The following RBKS variants were observed in gnomAD, a reference collection of about 807,000 sequenced individuals.
RBKS encodes ribokinase.
RBKS carries 33 observed loss-of-function variants against 33.9 expected under a neutral mutation model. That is an observed-to-expected ratio of 0.97 (90% confidence interval 0.74 to 1.30). The LOEUF (loss-of-function observed/expected upper bound fraction) is 1.30, where lower values mean the gene tolerates loss of function less well. Ranked by LOEUF, RBKS falls within the 50% of genes most tolerant of loss-of-function variation. The pLI is 0.00. For synonymous variants in RBKS, 125 were observed against 143.0 expected, an observed-to-expected ratio of 0.87 and a Z score of 0.90; for missense variants, 361 against 392.6, an observed-to-expected ratio of 0.92 and a Z score of 0.68.
chr2:27,889,973 G>C, intron 1 of RBKS: 1 of 337,682 alleles, frequency 3.0e-6, no homozygotes, highest in Non-Finnish European at 5.4e-6. Flanking sequence ...GTCTTTGGGG[G>C]CGCAAGTCTT....
intron 1 of RBKS, chr2:27,870,434 C>T (rs865834987): frequency 1.1e-5 from 2 of 174,982 alleles, no homozygotes; most frequent in Non-Finnish European, 2.5e-5. Context: ...AAGAAATCTC[C>T]GGAGTGGCTC....
chr2:27,815,864 T>C (rs1294929626), intron 7 of RBKS, among the ~76,000 whole-genome samples: 2 of 152,222 alleles, frequency 1.3e-5, no homozygotes, highest in Non-Finnish European at 2.9e-5. Flanking sequence ...GATTTAGTTC[T>C]TTCTCTCTTG....
chr2:27,866,009 T>G (rs542380641), intron 1 of RBKS, among the ~76,000 whole-genome samples: 232 of 152,314 alleles, frequency 1.5e-3, no homozygotes, highest in Middle Eastern at 6.8e-3. Context: ...TATTTACCAT[T>G]TCTGGGGGTC....
At chr2:27,797,537 G>T (rs1248245778) in intron 7 of RBKS, among the ~76,000 whole-genome samples, 1 of 152,180 alleles carries the variant, frequency 6.6e-6, no homozygotes, top group Non-Finnish European at 1.5e-5. Context: ...TATTTTGGGG[G>T]AAAGAGACTG....
At chr2:27,840,607 A>G (rs1319619111) in intron 5 of RBKS, among the ~76,000 whole-genome samples, 1 of 152,244 alleles carries the variant, frequency 6.6e-6, no homozygotes, top group East Asian at 1.9e-4. Flanking sequence ...TTTCTTGAGC[A>G]GCAAAAACAC....
intron 6 of RBKS, among the ~76,000 whole-genome samples, chr2:27,830,835 A>T (rs893030688): frequency 4.6e-5 from 7 of 152,172 alleles, no homozygotes; most frequent in Non-Finnish European, 8.8e-5. Context: ...CAATAGAATG[A>T]GTCAGAAGTG....
chr2:27,817,484 T>C (rs1678115737), intron 7 of RBKS, among the ~76,000 whole-genome samples: 2 of 152,186 alleles, frequency 1.3e-5, no homozygotes, highest in African/African-American at 2.4e-5. Flanking sequence ...TCACTGTCCA[T>C]GTGTATTAGT....
intron 6 of RBKS, among the ~76,000 whole-genome samples, chr2:27,832,263 A>G (rs1678432357): frequency 6.6e-6 from 1 of 152,224 alleles, no homozygotes; most frequent in Non-Finnish European, 1.5e-5. Flanking sequence ...TTTAAGATAA[A>G]TGACAGGTAA....
chr2:27,818,532 C>A (rs1678140815), intron 7 of RBKS, among the ~76,000 whole-genome samples: 1 of 152,184 alleles, frequency 6.6e-6, no homozygotes, highest in African/African-American at 2.4e-5. Flanking sequence ...CTGGCTCTGC[C>A]AACTTACCAG....
At chr2:27,789,949 G>GTATATATA (rs35109548) in intron 7 of RBKS, among the ~76,000 whole-genome samples, 2,083 of 121,376 alleles carry the variant, frequency 0.017, 29 homozygotes, top group East Asian at 0.041. Context: ...ATGTATATGT[G>GTATATATA]TATATATATA....
rs561623263 is a variant in RBKS at position 27,858,470 on chromosome 2, C to T, written c.191G>A (p.Arg64Gln). 42 of 1,613,876 alleles carry T rather than the reference C, an allele frequency of 2.6e-5. No homozygotes were observed. Among genetic ancestry groups the T allele is most frequent in the East Asian group, 6.7e-5 (3 of 44,896 alleles). Residue 64 changes from arginine (R) to glutamine (Q), a missense_variant, in exon 2 of 8, where the codon CGG (arginine) becomes CAG (glutamine). Coordinates refer to ENST00000302188, the MANE Select transcript of RBKS (RefSeq NM_022128.3). ...CACCATGGACGTCATTGCTCCAAGC[C>T]GAGCAGCTTGGACACACTGGTTGGC... The part of the protein sequence containing the change: ...KGANQCVQAA[R>Q]LGAMTSMVCK...
intron 7 of RBKS, among the ~76,000 whole-genome samples, chr2:27,786,587 C>T (rs1351643383): frequency 6.6e-6 from 1 of 152,136 alleles, no homozygotes; most frequent in Non-Finnish European, 1.5e-5. Context: ...TCAAGACCAG[C>T]CTGGCCAAGA....
At chr2:27,827,246 T>C (rs1203197358) in intron 7 of RBKS, among the ~76,000 whole-genome samples, 3 of 152,220 alleles carry the variant, frequency 2.0e-5, no homozygotes, top group Non-Finnish European at 4.4e-5. Flanking sequence ...TGGGACATGA[T>C]AGGTATTCCA....
In RBKS at chr2:27,847,199, C is replaced by G. The variant is rs926979055; in HGVS notation, c.287-95G>C. The G allele has an allele frequency of 3.0e-4, 217 of 713,082 alleles. 1 individual carries two copies. Among genetic ancestry groups the G allele is most frequent in the Non-Finnish European group, 3.3e-4 (134 of 407,504 alleles). The allele number at this position is 713,082 out of a possible 1,614,324, so 44.2% of individuals were successfully genotyped here. A position where few individuals can be genotyped will look rare whatever the true frequency, so the allele number is the denominator to read the frequency against. ...AATACAACACTAATCCTTGGAAAACCTTTTTAACCTTTAACCATCTGGAAT... is the reference window on the plus strand; with the variant it reads ...AATACAACACTAATCCTTGGAAAACGTTTTTAACCTTTAACCATCTGGAAT... On this transcript the variant is annotated intron_variant, in intron 3 of 7. Transcript: ENST00000302188.
chr2:27,827,389 C>T (rs1678331941), intron 7 of RBKS, among the ~76,000 whole-genome samples, 178 bp downstream of exon 7: 2 of 152,116 alleles, frequency 1.3e-5, no homozygotes, highest in African/African-American at 4.8e-5. Context: ...TGCATAAAGT[C>T]CCACAGAGAG....
intron 1 of RBKS, among the ~76,000 whole-genome samples, chr2:27,878,812 G>A: frequency 6.6e-6 from 1 of 152,042 alleles, no homozygotes. Context: ...TGTGTCTTTT[G>A]GCTGCATAAA....
intron 7 of RBKS, among the ~76,000 whole-genome samples, chr2:27,784,782 C>G (rs1677367999): frequency 6.6e-6 from 1 of 152,170 alleles, no homozygotes; most frequent in Admixed American, 6.5e-5. Context: ...AACTTTCATT[C>G]CCCCCATGAA....
chr2:27,815,972 G>A (rs374906287), intron 7 of RBKS, among the ~76,000 whole-genome samples: 14 of 152,226 alleles, frequency 9.2e-5, no homozygotes, highest in African/African-American at 2.2e-4. Flanking sequence ...GTCCCTGGCC[G>A]TATTTGAGTT....
chr2:27,781,489 CTTCGTAAAAGA>C lies in RBKS; in HGVS notation c.*115_*125del, dbSNP rs1677281318. 1 of 715,658 alleles carries C rather than the reference CTTCGTAAAAGA, an allele frequency of 1.4e-6. No homozygotes were observed. Among genetic ancestry groups the C allele is most frequent in the South Asian group, 2.3e-5 (1 of 43,124 alleles). The allele number at this position is 715,658 out of a possible 1,614,324, so 44.3% of individuals were successfully genotyped here. On this transcript the variant is annotated 3_prime_UTR_variant, in exon 8 of 8. Coordinates refer to ENST00000302188, the MANE Select transcript of RBKS (RefSeq NM_022128.3). ...TAAATAAATTGAAGCTTGAGGATGA[CTTCGTAAAAGA>C]ACTAATATTTGCAAAGAAAGGGGAC... is the stretch of plus-strand genomic sequence containing the variant.
Sources: allele counts gnomAD v4.1 joint callset (sites outside exome capture counted in the v4.1 genomes callset), GRCh38; gene constraint gnomAD v4.1.1; transcripts MANE v1.5; gene names NCBI Gene and HGNC (gene_info 2026-07-23, HGNC 2026-07-21).